FAM163B: variants seen among roughly 807,000 people sequenced by gnomAD.
FAM163B encodes the protein family with sequence similarity 163 member B.
In FAM163B, 4 loss-of-function variants were observed where a neutral mutation model predicts 7.6. That is an observed-to-expected ratio of 0.52 (90% CI 0.26 to 1.20). The LOEUF (loss-of-function observed/expected upper bound fraction) is 1.20, where lower values mean the gene tolerates loss of function less well. Among genes scored for constraint, FAM163B ranks in the 50% most tolerant of loss-of-function variants. FAM163B has a pLI of 0.14. For missense variants in FAM163B, 250 were observed against 243.0 expected, an observed-to-expected ratio of 1.03 and a Z score of -0.19; for synonymous variants, 120 against 111.6, an observed-to-expected ratio of 1.07 and a Z score of -0.47.
chr9:133,602,565 A>C (rs931703599), intron 1 of FAM163B, among the ~76,000 whole-genome samples: 5 of 152,022 alleles, frequency 3.3e-5, no homozygotes, highest in Non-Finnish European at 1.5e-5. Context: ...AGAAAAGACC[A>C]CACGAGTGAT....
chr9:133,585,368 TCA>T (rs1831419488), intron 1 of FAM163B, among the ~76,000 whole-genome samples: 1 of 152,224 alleles, frequency 6.6e-6, no homozygotes, highest in African/African-American at 2.4e-5. Flanking sequence ...GTGCTGAATT[TCA>T]GACTCTGCTA....
Position 133,579,203 on chromosome 9 carries a change from G to A in FAM163B, c.320C>T (p.Pro107Leu), listed in dbSNP as rs748448411. The A allele has an allele frequency of 1.1e-5, 18 of 1,612,000 alleles. No individual in the cohort carries two copies. Among genetic ancestry groups the A allele is most frequent in the South Asian group, 2.2e-5 (2 of 91,038 alleles). The change falls in exon 3 of 3, where the codon CCG (proline) becomes CTG (leucine). Residue 107 changes from proline (P) to leucine (L), a missense_variant. Coordinates refer to ENST00000673969, the MANE Select transcript of FAM163B (RefSeq NM_001080515.3). The stretch of plus-strand genomic sequence containing the variant: ...CAGCACGTCCTCTTCCTCCTCCGGC[G>A]GCTCCTGCAGGAAGAAGGTGGGGGG... ...CEPPTFFLQEPPEEEEDVLNG... is the reference protein window; with the variant it reads ...CEPPTFFLQELPEEEEDVLNG...
intron 2 of FAM163B, 42 bp downstream of exon 2, chr9:133,580,089 G>T: frequency 6.4e-7 from 1 of 1,563,500 alleles, no homozygotes. Flanking sequence ...GGCACCCTCT[G>T]GGCCTCCCTG....
chr9:133,590,348 G>A (rs1831533632), intron 1 of FAM163B, among the ~76,000 whole-genome samples: 1 of 151,104 alleles, frequency 6.6e-6, no homozygotes, highest in African/African-American at 2.4e-5. Flanking sequence ...GCGGACGGGA[G>A]GGAGGGCCAG....
At chr9:133,596,524 G>A (rs35126125) in intron 1 of FAM163B, among the ~76,000 whole-genome samples, 3,994 of 152,160 alleles carry the variant, frequency 0.026, 84 homozygotes, top group Non-Finnish European at 0.035. Flanking sequence ...AGTGATGAAG[G>A]AAAGCACTCC....
intron 1 of FAM163B, among the ~76,000 whole-genome samples, chr9:133,581,608 A>G (rs1437528619): frequency 1.3e-5 from 2 of 152,130 alleles, no homozygotes; most frequent in African/African-American, 4.8e-5. Context: ...TTGCTCTAGA[A>G]CAGCTCAAAA....
chr9:133,587,283 G>C (rs944734162), intron 1 of FAM163B, among the ~76,000 whole-genome samples: 2 of 152,204 alleles, frequency 1.3e-5, no homozygotes, highest in Non-Finnish European at 2.9e-5. Flanking sequence ...GCTGGGAAGG[G>C]GAGTCGAGGG....
At chr9:133,580,378 G>T (rs1444105028) in intron 1 of FAM163B, 132 bp from the exon 2 acceptor site, 6 of 705,780 alleles carry the variant, frequency 8.5e-6, no homozygotes, top group East Asian at 5.4e-5. Flanking sequence ...AGAGGCAGGG[G>T]CTCTGCCGGG....
At position 133,580,118 on chromosome 9, in the gene FAM163B, C is replaced by CAA; in HGVS notation, c.93+12_93+13insTT. 2 of 1,608,784 alleles carry CAA rather than the reference C, an allele frequency of 1.2e-6. No individual in the cohort carries two copies. The highest frequency in any genetic ancestry group is 1.7e-6 in the Non-Finnish European group (2 of 1,179,094). On this transcript the variant is annotated intron_variant, in intron 2 of 2. Coordinates refer to ENST00000673969, the MANE Select transcript of FAM163B (RefSeq NM_001080515.3). ...CTCCCTGCCCTGTCCCCTTCCCCGC[C>CAA]GCCCGGGAATACCTGGAGCCGGCAG...
In FAM163B at chr9:133,600,917, G is replaced by T. The variant is rs888299402; in HGVS notation, c.-24+8160C>A. Among the ~76,000 whole-genome samples, 1 of 152,164 alleles carries T rather than the reference G, an allele frequency of 6.6e-6. No homozygotes were observed. The highest frequency in any genetic ancestry group is 6.5e-5 in the Admixed American group (1 of 15,280). On this transcript the variant is annotated intron_variant, in intron 1 of 2. Coordinates refer to ENST00000673969, the MANE Select transcript of FAM163B (RefSeq NM_001080515.3). The surrounding 1 kb of genome is among the most constrained non-coding windows in gnomAD (Gnocchi z 4.9). Reference sequence around the variant, plus strand: ...TAACTCAACTCTCCCTTGGTAGGGGGTAGGGGGGGAGCTTCATTGCCTCGA... The same window carrying T: ...TAACTCAACTCTCCCTTGGTAGGGGTTAGGGGGGGAGCTTCATTGCCTCGA...
intron 1 of FAM163B, among the ~76,000 whole-genome samples, chr9:133,598,157 C>T (rs922062633): frequency 3.3e-5 from 5 of 152,122 alleles, no homozygotes; most frequent in African/African-American, 4.8e-5. Context: ...AGCCAGGCGG[C>T]GGGAGGTATT....
intron 1 of FAM163B, among the ~76,000 whole-genome samples, chr9:133,605,235 G>A (rs1027644249): frequency 2.0e-5 from 3 of 152,230 alleles, no homozygotes; most frequent in African/African-American, 7.2e-5. Flanking sequence ...AGAGGCGGAT[G>A]TAATGATTGC....
intron 1 of FAM163B, among the ~76,000 whole-genome samples, chr9:133,583,683 C>A (rs976938796): frequency 3.9e-5 from 6 of 152,232 alleles, no homozygotes; most frequent in Non-Finnish European, 7.3e-5. Flanking sequence ...GGCTGCAGCT[C>A]CTCTGGGCCC....
rs10122364 is a variant in FAM163B, at chr9:133,578,137, C to T, written c.*885G>A. Among the ~76,000 whole-genome samples the T allele has an allele frequency of 0.74, 112,157 of 151,954 alleles. 41,603 individuals are homozygous for T. Among genetic ancestry groups the T allele is most frequent in the Middle Eastern group, 0.87 (255 of 294 alleles). Reference sequence around the variant, plus strand: ...GGTGGGAAGGGCCAGCCAAGTCTCACGGGGAACTCGGGGGTTTTCAACCCC... The same window carrying T: ...GGTGGGAAGGGCCAGCCAAGTCTCATGGGGAACTCGGGGGTTTTCAACCCC... On this transcript the variant is annotated 3_prime_UTR_variant, in exon 3 of 3. Coordinates refer to ENST00000673969, the MANE Select transcript of FAM163B (RefSeq NM_001080515.3).
At chr9:133,589,919 C>T (rs1276094734) in intron 1 of FAM163B, among the ~76,000 whole-genome samples, 2 of 152,066 alleles carry the variant, frequency 1.3e-5, no homozygotes, top group Admixed American at 1.3e-4. Flanking sequence ...GAGGGTAGGG[C>T]CTGAAAACCC....
rs1364634814 is a variant in FAM163B at position 133,577,458 on chromosome 9, A to G, written c.*1564T>C. Among the ~76,000 whole-genome samples the G allele has an allele frequency of 6.6e-6, 1 of 152,246 alleles. No homozygotes were observed. Among genetic ancestry groups the G allele is most frequent in the East Asian group, 1.9e-4 (1 of 5,198 alleles). On this transcript the variant is annotated 3_prime_UTR_variant, in exon 3 of 3. Transcript: ENST00000673969. The stretch of plus-strand genomic sequence containing the variant: ...TAAGAGGAGGAAAACAATTGAGAAC[A>G]TAACGATTGTGACTTCGTCAGCCGT...
At chr9:133,588,659 C>G (rs1329272897) in intron 1 of FAM163B, among the ~76,000 whole-genome samples, 1 of 11,098 alleles carries the variant, frequency 9.0e-5, no homozygotes, top group Non-Finnish European at 2.2e-4. Flanking sequence ...AAGGATCTAG[C>G]ATGCTGAGGG....
chr9:133,588,629 T>TTGAAGGATCTAGCATGC (rs1831483200), intron 1 of FAM163B, among the ~76,000 whole-genome samples: 6,600 of 46,546 alleles, frequency 0.14, 321 homozygotes, highest in East Asian at 0.3. Flanking sequence ...ATCTAGCATG[T>TTGAAGGATCTAGCATGC]TGAGGGATCT....
rs1564200093 is a variant in FAM163B, at chr9:133,609,149, AC to A, written c.-97del. ...ACGTGACGGGGCGGGCGGGCGTCCG[AC>A]CCGGGCAGGGCGCAGCTAGCGGCGG... On this transcript the variant is annotated 5_prime_UTR_variant, in exon 1 of 3. Coordinates refer to ENST00000673969, the MANE Select transcript of FAM163B (RefSeq NM_001080515.3). Among the ~76,000 whole-genome samples, 1 of 151,776 alleles carries A rather than the reference AC, an allele frequency of 6.6e-6. No homozygotes were observed. Among genetic ancestry groups the A allele is most frequent in the Non-Finnish European group, 1.5e-5 (1 of 67,904 alleles).
Sources: gnomAD v4.1 joint callset for allele counts (sites outside exome capture counted in the v4.1 genomes callset) on GRCh38, gnomAD v4.1.1 for gene constraint, Gnocchi (gnomAD v3.1) non-coding constraint, MANE v1.5 for transcripts, NCBI Gene and HGNC (gene_info 2026-07-23, HGNC 2026-07-21) for gene names.